Variants in PAK3 observed in about 807,000 individuals in gnomAD.
The protein encoded by PAK3 is serine/threonine-protein kinase PAK 3.
PAK3 carries 4 observed loss-of-function variants against 41.0 expected under a neutral mutation model. The observed-to-expected ratio is 0.10, with a 90% CI of 0.05 to 0.22. The LOEUF (loss-of-function observed/expected upper bound fraction) is 0.22, where lower values mean the gene tolerates loss of function less well. PAK3 is among the 10% of genes least tolerant of loss of function. The pLI, the probability that PAK3 is intolerant of heterozygous loss-of-function variation, is 1.00. For synonymous variants in PAK3, 146 were observed against 139.6 expected (o/e 1.05, Z -0.32); for missense variants, 205 against 409.9 (o/e 0.50, Z 4.32).
intron 1 of PAK3, among the ~76,000 whole-genome samples, chrX:110,959,736 C>A (rs1446931652): frequency 9.0e-6 from 1 of 111,470 alleles, no homozygotes; most frequent in African/African-American, 3.3e-5. Context: ...CGCTCATTCT[C>A]CTGGGTTGCA....
intron 1 of PAK3, among the ~76,000 whole-genome samples, chrX:110,965,107 T>C (rs980036459): frequency 1.5e-4 from 17 of 112,190 alleles, no homozygotes; most frequent in Non-Finnish European, 2.8e-4. Flanking sequence ...GGATTGCTGC[T>C]GATATTCCAG....
chrX:111,076,069 TG>T (rs1470618185), intron 1 of PAK3, among the ~76,000 whole-genome samples: 1 of 112,231 alleles, frequency 8.9e-6, no homozygotes, highest in Non-Finnish European at 1.9e-5. Flanking sequence ...GTGAATAAGT[TG>T]TTTTTTTTAT....
chrX:111,038,504 G>A (rs1179970117), intron 1 of PAK3, among the ~76,000 whole-genome samples: 1 of 111,788 alleles, frequency 8.9e-6, no homozygotes, highest in African/African-American at 3.3e-5. Context: ...TGAGGTGTAT[G>A]GGACTCCAGG....
intron 11 of PAK3, among the ~76,000 whole-genome samples, chrX:111,185,339 G>A (rs1385810499): frequency 5.4e-5 from 6 of 111,352 alleles, no homozygotes; most frequent in African/African-American, 2.0e-4. Context: ...CTTCCATTCT[G>A]TAGGTTGCTT....
intron 16 of PAK3, among the ~76,000 whole-genome samples, chrX:111,207,073 C>CGTGTGTGT (rs367846225): frequency 1.2e-3 from 119 of 97,373 alleles, no homozygotes; most frequent in African/African-American, 4.2e-3. Flanking sequence ...TAGATATATA[C>CGTGTGTGT]GTGTGTGTGT....
At chrX:111,021,658 G>A (rs771938775) in intron 1 of PAK3, among the ~76,000 whole-genome samples, 7 of 110,932 alleles carry the variant, frequency 6.3e-5, no homozygotes, top group Non-Finnish European at 1.3e-4. Flanking sequence ...CACCAGCAAT[G>A]GATCCAAACC....
chrX:111,192,708 A>G, intron 13 of PAK3, 90 bp downstream of exon 13: 1 of 524,487 alleles, frequency 1.9e-6, no homozygotes, highest in Non-Finnish European at 3.4e-6. Flanking sequence ...CGTTCATTTA[A>G]CATTCTGCAA....
intron 1 of PAK3, among the ~76,000 whole-genome samples, chrX:110,962,507 T>C (rs2091000194): frequency 8.9e-6 from 1 of 112,781 alleles, no homozygotes; most frequent in Admixed American, 9.3e-5. Flanking sequence ...TGAATAATCT[T>C]TCCACCATGC....
At chrX:110,944,918 C>A (rs895763813) in intron 1 of PAK3, among the ~76,000 whole-genome samples, 1 of 111,992 alleles carries the variant, frequency 8.9e-6, no homozygotes, top group Admixed American at 9.4e-5. Flanking sequence ...CTTCCCCAGG[C>A]TGAGCTTTCT....
chrX:111,149,393 G>A (rs929098746), intron 7 of PAK3, among the ~76,000 whole-genome samples: 1 of 112,125 alleles, frequency 8.9e-6, no homozygotes, highest in South Asian at 3.8e-4. Flanking sequence ...ACTAGGCAGT[G>A]CCCTAGTAGG....
intron 1 of PAK3, among the ~76,000 whole-genome samples, chrX:110,966,571 T>C (rs892682187): frequency 3.6e-5 from 4 of 111,774 alleles, no homozygotes; most frequent in African/African-American, 9.8e-5. Context: ...AAGACAGTCC[T>C]ATTCAAATCT....
At chrX:111,038,734 A>G (rs1374827975) in intron 1 of PAK3, among the ~76,000 whole-genome samples, 1 of 112,452 alleles carries the variant, frequency 8.9e-6, no homozygotes, top group East Asian at 2.8e-4. Flanking sequence ...GGATAATAAT[A>G]GTATCTACAT....
At chrX:111,101,106 A>G (rs1267812021) in intron 3 of PAK3, among the ~76,000 whole-genome samples, 1 of 112,333 alleles carries the variant, frequency 8.9e-6, no homozygotes, top group Non-Finnish European at 1.9e-5. Context: ...GATCACGTAT[A>G]CAACATGATA....
chrX:111,009,899 C>A (rs776489291), intron 1 of PAK3, among the ~76,000 whole-genome samples: 2 of 112,066 alleles, frequency 1.8e-5, no homozygotes, highest in East Asian at 5.6e-4. Flanking sequence ...GAGCCAATGG[C>A]TGATTTGTCC....
intron 1 of PAK3, among the ~76,000 whole-genome samples, chrX:111,001,986 T>C (rs1439676854): frequency 3.6e-5 from 4 of 111,374 alleles, no homozygotes; most frequent in African/African-American, 1.3e-4. Flanking sequence ...CTGAAAAGTG[T>C]AAAATACTGC....
Position 110,972,876 on chromosome X carries a change from G to A in PAK3, c.-28+28248G>A, listed in dbSNP as rs529753739. Among the ~76,000 whole-genome samples the A allele has an allele frequency of 1.3e-4, 15 of 111,782 alleles. No homozygotes were observed. In the South Asian group the frequency reaches 5.3e-3, roughly 40 times the overall value. On this transcript the variant is annotated intron_variant, in intron 1 of 14. Coordinates refer to the PAK3 transcript ENST00000425146. Reference sequence around the variant, plus strand: ...GTGTAGAGAAGACCTCAAAGGACCTGATGGAGCTGAAAATCATGGCACAAG... The same window carrying A: ...GTGTAGAGAAGACCTCAAAGGACCTAATGGAGCTGAAAATCATGGCACAAG...
At chrX:111,163,871 C>T (rs997014323) in intron 10 of PAK3, 144 bp downstream of exon 10, 1 of 516,949 alleles carries the variant, frequency 1.9e-6, no homozygotes, top group African/African-American at 2.3e-5. Context: ...ATTTGAGACT[C>T]ACTGCATATG....
At chrX:110,984,602 C>G (rs1258832630) in intron 1 of PAK3, among the ~76,000 whole-genome samples, 1 of 112,000 alleles carries the variant, frequency 8.9e-6, no homozygotes. Flanking sequence ...GCTCACAACA[C>G]AGGCTGCTGC....
At chrX:111,152,525 T>C in intron 8 of PAK3, 78 bp downstream of exon 8, 1 of 678,220 alleles carries the variant, frequency 1.5e-6, no homozygotes. Flanking sequence ...ACAGATCCAG[T>C]TTTTAGATAT....
Sources: allele counts gnomAD v4.1 joint callset (sites outside exome capture counted in the v4.1 genomes callset), GRCh38; gene constraint gnomAD v4.1.1; transcripts MANE v1.5; gene names NCBI Gene and HGNC (gene_info 2026-07-23, HGNC 2026-07-21).